COBL: variants seen among roughly 807,000 people sequenced by gnomAD.
COBL encodes the protein protein cordon-bleu.
Under a neutral mutation model 98.8 loss-of-function variants are expected in COBL, and 51 were observed. The ratio of observed to expected loss-of-function variants is 0.52; its 90% confidence interval spans 0.41 to 0.65. The LOEUF (loss-of-function observed/expected upper bound fraction) is 0.65. Among genes scored for constraint, COBL ranks in the 30% least tolerant of loss-of-function variants. The probability of loss-of-function intolerance (pLI) is 0.00; values close to 1 mark genes in which losing one functional copy is unlikely to be tolerated. For missense variants in COBL, 1,617 were observed against 1,617.5 expected (o/e 1.00, Z 0.01); for synonymous variants, 634 against 651.7 (o/e 0.97, Z 0.41).
rs192624282 is a variant in COBL, at chr7:51,272,686, G to A, written c.41+43907C>T. ...CTCTAAAACACTCAAAGAGGCAAAGGGTTGCACAAATTGGACACACAGGGC... is the reference window on the plus strand; with the variant it reads ...CTCTAAAACACTCAAAGAGGCAAAGAGTTGCACAAATTGGACACACAGGGC... On this transcript the variant is annotated intron_variant, in intron 1 of 12. Transcript: ENST00000265136. Among the ~76,000 whole-genome samples the A allele has an allele frequency of 1.4e-4, 21 of 152,174 alleles. No homozygotes were observed. In the East Asian group the frequency reaches 4.1e-3, roughly 29 times the overall value.
At chr7:51,056,218 G>A (rs1790733934) in intron 7 of COBL, among the ~76,000 whole-genome samples, 1 of 141,112 alleles carries the variant, frequency 7.1e-6, no homozygotes. Flanking sequence ...ATGGGGGGGT[G>A]CATGATGAAG....
Position 51,028,611 on chromosome 7 carries a change from G to C in COBL, c.2485C>G (p.Leu829Val), listed in dbSNP as rs754621952. ...KSAHHEGRNPLGEGRNQPPTM... is the reference protein window; with the variant it reads ...KSAHHEGRNPVGEGRNQPPTM... ...GGGGGCTGGTTTCTCCCCTCCCCTA[G>C]GGGGTTCCGGCCCTCATGGTGGGCA... The change falls in exon 10 of 13, where the codon CTA becomes GTA. Residue 829 changes from leucine to valine, a missense_variant. By Grantham distance (32) the Leu-to-Val change is conservative (BLOSUM62 1). Around this residue, in one of 3 missense-constraint regions of COBL, gnomAD observed 1,304 missense variants for 1,282.0 expected, o/e 1.02. Coordinates refer to ENST00000265136, the MANE Select transcript of COBL (RefSeq NM_015198.5). 1.2e-6 allele frequency: 2 copies of C among 1,613,920 alleles called. No homozygotes were observed. Among genetic ancestry groups the C allele is most frequent in the Non-Finnish European group, 8.5e-7 (1 of 1,179,892 alleles).
At chr7:51,065,319 C>T (rs1562864328) in intron 7 of COBL, 1 of 703,516 alleles carries the variant, frequency 1.4e-6, no homozygotes, top group East Asian at 2.7e-5. Context: ...AACAGGAACA[C>T]TTGATTTCAG....
chr7:51,204,968 T>C (rs1791531698), intron 2 of COBL, among the ~76,000 whole-genome samples: 2 of 152,204 alleles, frequency 1.3e-5, no homozygotes, highest in South Asian at 4.1e-4. Flanking sequence ...AGGTGAAAGA[T>C]TGGTACACTG....
chr7:51,026,742 C>A, intron 10 of COBL, 77 bp from the exon 11 acceptor site: 1 of 1,540,168 alleles, frequency 6.5e-7, no homozygotes, highest in Non-Finnish European at 8.8e-7. Context: ...ATGAGAAAAC[C>A]CACTCATGGG....
intron 1 of COBL, among the ~76,000 whole-genome samples, chr7:51,263,835 T>C (rs574865860): frequency 8.0e-4 from 122 of 152,328 alleles, no homozygotes; most frequent in African/African-American, 2.5e-3. Flanking sequence ...TATTTTGATA[T>C]GATTCCTATA....
intron 6 of COBL, among the ~76,000 whole-genome samples, chr7:51,128,679 G>A (rs114300063): frequency 0.014 from 2,093 of 152,324 alleles, 53 homozygotes; most frequent in African/African-American, 0.047. Context: ...CTGCTCCTGC[G>A]GCCTCCCCTC....
intron 5 of COBL, among the ~76,000 whole-genome samples, chr7:51,152,629 G>A (rs1364022809): frequency 6.6e-6 from 1 of 152,228 alleles, no homozygotes. Context: ...AGCTTTCTCT[G>A]TTGCTTCCTA....
chr7:51,123,420 C>T (rs541210587), intron 6 of COBL, among the ~76,000 whole-genome samples: 1 of 152,168 alleles, frequency 6.6e-6, no homozygotes, highest in Admixed American at 6.5e-5. Context: ...TATCCCTTGT[C>T]GCTAACTTGC....
intron 4 of COBL, chr7:51,187,969 C>CAGGCAA: frequency 8.1e-7 from 1 of 1,232,378 alleles, no homozygotes; most frequent in East Asian, 3.2e-5. Flanking sequence ...CTGGAAAAGG[C>CAGGCAA]AGGCAATGAG....
At position 51,190,973 on chromosome 7, in the gene COBL, A is replaced by G; in HGVS notation, c.562T>C (p.Cys188Arg). 1 of 1,614,120 alleles carries G rather than the reference A, an allele frequency of 6.2e-7. No homozygotes were observed. Among genetic ancestry groups the G allele is most frequent in the Non-Finnish European group, 8.5e-7 (1 of 1,180,036 alleles). Reference protein sequence around the residue: ...QNILPVICAKCEVSPEHVVLL... With the variant: ...QNILPVICAKREVSPEHVVLL... ...ACCACGTGCTCTGGGCTGACCTCACACTTTGCACAAATGACTGGGAGAATA... is the reference window on the plus strand; with the variant it reads ...ACCACGTGCTCTGGGCTGACCTCACGCTTTGCACAAATGACTGGGAGAATA... The change falls in exon 4 of 13, where the codon TGT becomes CGT. Residue 188 changes from cysteine (C) to arginine (R), a missense_variant. This residue lies in a region of COBL where 75 missense variants were observed against 120.5 expected (regional missense o/e 0.62). Coordinates refer to ENST00000265136, the MANE Select transcript of COBL (RefSeq NM_015198.5).
intron 7 of COBL, among the ~76,000 whole-genome samples, chr7:51,050,834 A>G (rs1461368985): frequency 6.6e-6 from 1 of 152,214 alleles, no homozygotes; most frequent in Non-Finnish European, 1.5e-5. Flanking sequence ...CCAATTATGC[A>G]TAACTGGTCA....
chr7:51,057,262 A>T (rs1790853761), intron 7 of COBL, among the ~76,000 whole-genome samples: 1 of 152,112 alleles, frequency 6.6e-6, no homozygotes, highest in Non-Finnish European at 1.5e-5. Context: ...CTAATGCAGA[A>T]ATTAAACTTT....
intron 1 of COBL, among the ~76,000 whole-genome samples, chr7:51,298,090 T>G (rs1801589731): frequency 6.6e-6 from 1 of 152,212 alleles, no homozygotes; most frequent in Admixed American, 6.5e-5. Context: ...CATTGCTCCT[T>G]GCACCCCCTC....
At chr7:51,086,048 G>T (rs1419086005) in intron 6 of COBL, among the ~76,000 whole-genome samples, 1 of 152,102 alleles carries the variant, frequency 6.6e-6, no homozygotes, top group East Asian at 1.9e-4. Context: ...CTGTAAAATT[G>T]AATTCACTGA....
At chr7:51,185,401 G>A (rs1459996781) in intron 4 of COBL, among the ~76,000 whole-genome samples, 1 of 152,172 alleles carries the variant, frequency 6.6e-6, no homozygotes, top group Non-Finnish European at 1.5e-5. Flanking sequence ...GCCCATGTGT[G>A]AGGCACACTT....
chr7:51,214,127 G>A (rs530112546), intron 2 of COBL, among the ~76,000 whole-genome samples: 9 of 152,112 alleles, frequency 5.9e-5, no homozygotes, highest in South Asian at 2.1e-4. Flanking sequence ...TTAGCTGGAC[G>A]TGGTGGCACG....
At chr7:51,101,449 T>C (rs1368365664) in intron 6 of COBL, among the ~76,000 whole-genome samples, 1 of 152,152 alleles carries the variant, frequency 6.6e-6, no homozygotes, top group Non-Finnish European at 1.5e-5. Context: ...AACTGAAGAT[T>C]ACGAAAGATA....
At chr7:51,128,817 C>G (rs2128998385) in intron 6 of COBL, among the ~76,000 whole-genome samples, 1 of 152,228 alleles carries the variant, frequency 6.6e-6, no homozygotes, top group East Asian at 1.9e-4. Context: ...GCCATTCCAG[C>G]AGCAGCAGCA....
Sources: gnomAD v4.1 joint callset for allele counts (sites outside exome capture counted in the v4.1 genomes callset) on GRCh38, gnomAD v4.1.1 for gene constraint, gnomAD v4.1.1 regional missense constraint, MANE v1.5 for transcripts, NCBI Gene and HGNC (gene_info 2026-07-23, HGNC 2026-07-21) for gene names.